The following COX16 variants were observed in gnomAD, a reference collection of about 807,000 sequenced individuals.
The protein encoded by COX16 is cytochrome c oxidase assembly protein COX16 homolog, mitochondrial.
Under a neutral mutation model 15.4 loss-of-function variants are expected in COX16, and 12 were observed. The ratio of observed to expected loss-of-function variants is 0.78; its 90% confidence interval spans 0.50 to 1.26. The LOEUF is 1.26. COX16 is among the 50% of genes most tolerant of loss of function. The pLI, the probability that COX16 is intolerant of heterozygous loss-of-function variation, is 0.00. For missense variants in COX16, 124 were observed against 127.6 expected, an observed-to-expected ratio of 0.97 and a Z score of 0.14; for synonymous variants, 46 against 41.1, an observed-to-expected ratio of 1.12 and a Z score of -0.46.
rs1262932180 is a variant in COX16 at position 70,342,719 on chromosome 14, A to G, written c.80T>C (p.Val27Ala). 1 of 1,612,806 alleles carries G rather than the reference A, an allele frequency of 6.2e-7. No individual in the cohort carries two copies. The highest frequency in any genetic ancestry group is 8.5e-7 in the Non-Finnish European group (1 of 1,179,658). The change falls in exon 2 of 4, where the codon GTT (valine) becomes GCT (alanine). Residue 27 changes from valine to alanine, a missense_variant. Coordinates refer to ENST00000389912, the MANE Select transcript of COX16 (RefSeq NM_016468.7). Reference protein sequence around the residue: ...GYGVPMLLLIVGGSFGLREFS... With the variant: ...GYGVPMLLLIAGGSFGLREFS... ...CTCACGAAGACCAAAAGAACCTCCA[A>G]CAATCAGCAACTAAAACAAAGAAAG...
intron 1 of COX16, among the ~76,000 whole-genome samples, chr14:70,354,841 C>CGCGTGTGT (rs1555345904): frequency 6.7e-6 from 1 of 148,880 alleles, no homozygotes; most frequent in Non-Finnish European, 1.5e-5. Flanking sequence ...TGTGTGTGTG[C>CGCGTGTGT]GTGTGTGTGT....
chr14:70,355,754 T>C (rs1200126344), intron 1 of COX16, among the ~76,000 whole-genome samples: 1 of 152,200 alleles, frequency 6.6e-6, no homozygotes, highest in East Asian at 1.9e-4. Flanking sequence ...AGTTTGGATA[T>C]TTGACCCTCC....
At chr14:70,340,467 C>T (rs1886591741) in intron 2 of COX16, among the ~76,000 whole-genome samples, 1 of 152,202 alleles carries the variant, frequency 6.6e-6, no homozygotes, top group South Asian at 2.1e-4. Context: ...AACCTTGAGA[C>T]ATCTTAGATT....
chr14:70,347,583 C>A (rs1886820759), intron 1 of COX16, among the ~76,000 whole-genome samples: 1 of 152,104 alleles, frequency 6.6e-6, no homozygotes, highest in African/African-American at 2.4e-5. Context: ...ACCGTCCACT[C>A]TCCTTCAATG....
intron 1 of COX16, among the ~76,000 whole-genome samples, chr14:70,348,610 C>A (rs1400907638): frequency 6.6e-6 from 1 of 152,132 alleles, no homozygotes; most frequent in African/African-American, 2.4e-5. Context: ...CTCCCCCAGG[C>A]ACCACCTCCC....
intron 2 of COX16, among the ~76,000 whole-genome samples, chr14:70,332,597 A>G (rs1482977678): frequency 6.6e-6 from 1 of 152,228 alleles, no homozygotes; most frequent in Admixed American, 6.5e-5. Flanking sequence ...CCAATGTGAC[A>G]GGCATGCCAT....
chr14:70,359,380 G>A (rs1887229505), intron 1 of COX16, 139 bp downstream of exon 1: 1 of 746,470 alleles, frequency 1.3e-6, no homozygotes, highest in African/African-American at 1.7e-5. Flanking sequence ...TTTTAGGAAA[G>A]CTCTCACCCC....
chr14:70,333,211 G>T (rs180780880), intron 2 of COX16, among the ~76,000 whole-genome samples: 1 of 152,288 alleles, frequency 6.6e-6, no homozygotes, highest in Non-Finnish European at 1.5e-5. Context: ...AGGAAAATAT[G>T]ACCTCATCAA....
intron 3 of COX16, among the ~76,000 whole-genome samples, chr14:70,326,705 A>G (rs1165225200): frequency 6.6e-6 from 1 of 152,224 alleles, no homozygotes; most frequent in Non-Finnish European, 1.5e-5. Context: ...AAGAGTCTAC[A>G]TGCCTTATTT....
intron 1 of COX16, among the ~76,000 whole-genome samples, chr14:70,346,954 T>C (rs1267374183): frequency 6.6e-6 from 1 of 152,064 alleles, no homozygotes; most frequent in Non-Finnish European, 1.5e-5. Context: ...TCGGGGCATC[T>C]AACTTTCTTC....
chr14:70,354,895 GT>G (rs1363038142), intron 1 of COX16, among the ~76,000 whole-genome samples: 22 of 151,128 alleles, frequency 1.5e-4, no homozygotes, highest in African/African-American at 5.4e-4. Context: ...CTTACTGCCT[GT>G]TACCATAGAA....
At chr14:70,346,185 C>T (rs921179422) in intron 1 of COX16, among the ~76,000 whole-genome samples, 4 of 152,186 alleles carry the variant, frequency 2.6e-5, no homozygotes, top group Non-Finnish European at 2.9e-5. Context: ...CCCCGATATT[C>T]GGTGCAAGCT....
intron 1 of COX16, among the ~76,000 whole-genome samples, chr14:70,355,594 T>A (rs565217753): frequency 1.1e-4 from 16 of 152,304 alleles, no homozygotes; most frequent in African/African-American, 3.8e-4. Context: ...CCCAAAATAT[T>A]ATAGTAGGCT....
intron 2 of COX16, among the ~76,000 whole-genome samples, chr14:70,341,666 C>A (rs1886627353): frequency 6.6e-6 from 1 of 151,940 alleles, no homozygotes; most frequent in Admixed American, 6.6e-5. Context: ...ATGTATAGAC[C>A]CCCTCAGTTT....
intron 1 of COX16, among the ~76,000 whole-genome samples, chr14:70,356,149 C>T (rs1274755118): frequency 2.9e-5 from 4 of 139,356 alleles, no homozygotes; most frequent in African/African-American, 1.1e-4. Flanking sequence ...CAGTGGTCCC[C>T]AAACTTTCTG....
chr14:70,348,921 T>C, intron 1 of COX16, among the ~76,000 whole-genome samples: 1 of 149,032 alleles, frequency 6.7e-6, no homozygotes, highest in South Asian at 2.1e-4. Context: ...GCCAAACAAG[T>C]AGCCCTGCAA....
At chr14:70,346,675 G>C (rs1886793111) in intron 1 of COX16, among the ~76,000 whole-genome samples, 1 of 152,032 alleles carries the variant, frequency 6.6e-6, no homozygotes. Context: ...AGGTAGGCCA[G>C]TATTTTTTTT....
chr14:70,359,101 G>A, intron 1 of COX16: 2 of 439,300 alleles, frequency 4.6e-6, no homozygotes, highest in East Asian at 7.0e-5. Flanking sequence ...TAGTCCCAAT[G>A]ATCCACAGTA....
chr14:70,337,384 T>C (rs1196211024), intron 2 of COX16, among the ~76,000 whole-genome samples: 3 of 152,216 alleles, frequency 2.0e-5, no homozygotes, highest in South Asian at 2.1e-4. Context: ...ACAGAGAGGA[T>C]AGCCTAAGTC....
Sources: allele counts gnomAD v4.1 joint callset (sites outside exome capture counted in the v4.1 genomes callset), GRCh38; gene constraint gnomAD v4.1.1; transcripts MANE v1.5; gene names NCBI Gene and HGNC (gene_info 2026-07-23, HGNC 2026-07-21).